SNX16: variants seen among roughly 807,000 people sequenced by gnomAD.
The protein encoded by SNX16 is sorting nexin-16.
A neutral mutation model predicts 36.7 loss-of-function variants in SNX16; 35 were observed. That is an observed-to-expected ratio of 0.95 (90% CI 0.73 to 1.27). The LOEUF (loss-of-function observed/expected upper bound fraction) is 1.27, where lower values mean the gene tolerates loss of function less well. Among genes scored for constraint, SNX16 ranks in the 50% most tolerant of loss-of-function variants. SNX16 has a pLI of 0.00. For synonymous variants in SNX16, 134 were observed against 132.0 expected (o/e 1.02, Z -0.10); for missense variants, 367 against 393.6 (o/e 0.93, Z 0.57).
At chr8:81,815,250 C>T in intron 5 of SNX16, 75 bp downstream of exon 5, 1 of 1,129,014 alleles carries the variant, frequency 8.9e-7, no homozygotes, top group Non-Finnish European at 1.3e-6. Flanking sequence ...TTTGCTATTC[C>T]ATCCAAGAAA....
In SNX16 at chr8:81,828,897, TACA is replaced by T. The variant is rs573615961; in HGVS notation, c.462+530_462+532del. Among the ~76,000 whole-genome samples, 9 of 152,268 alleles carry T rather than the reference TACA, an allele frequency of 5.9e-5. No individual in the cohort carries two copies. In the South Asian group the frequency reaches 1.9e-3, roughly 32 times the overall value. On this transcript the variant is annotated intron_variant, in intron 3 of 7. Transcript: ENST00000345957. ...AGCCAGGAAACAGAAAATTTGGCCC[TACA>T]ACTTCAAGAAACTAAATTCTGCCAA...
At chr8:81,801,684 A>C in intron 7 of SNX16, 91 bp from the exon 8 acceptor site, 1 of 672,410 alleles carries the variant, frequency 1.5e-6, no homozygotes, top group Non-Finnish European at 2.3e-6. Flanking sequence ...AAAATCTTCT[A>C]CCTTATAGAA....
At chr8:81,834,804 C>T (rs1182826101) in intron 2 of SNX16, among the ~76,000 whole-genome samples, 1 of 152,218 alleles carries the variant, frequency 6.6e-6, no homozygotes, top group Non-Finnish European at 1.5e-5. Flanking sequence ...AGCCCTCCTC[C>T]TTCCTGGCTG....
chr8:81,815,698 A>G (rs932791668), intron 4 of SNX16: 4 of 227,702 alleles, frequency 1.8e-5, no homozygotes, highest in Non-Finnish European at 3.6e-5. Flanking sequence ...TTTCAAAGAA[A>G]TATTAGTCTG....
intron 6 of SNX16, 130 bp downstream of exon 6, chr8:81,802,962 G>A (rs1254929238): frequency 5.2e-6 from 4 of 771,822 alleles, no homozygotes; most frequent in Non-Finnish European, 7.5e-6. Context: ...TTTTCCCAAT[G>A]AAGTATGCCA....
chr8:81,822,953 T>C (rs1218441170), intron 4 of SNX16, among the ~76,000 whole-genome samples: 17 of 69,750 alleles, frequency 2.4e-4, no homozygotes, highest in African/African-American at 9.7e-4. Flanking sequence ...TATACATATA[T>C]ATATATATAT....
chr8:81,803,493 G>A (rs1809799278), intron 5 of SNX16, among the ~76,000 whole-genome samples: 1 of 151,894 alleles, frequency 6.6e-6, no homozygotes, highest in East Asian at 1.9e-4. Flanking sequence ...TGCCTGAAGT[G>A]AGTATGTGAT....
chr8:81,815,286 T>G, intron 5 of SNX16, 39 bp downstream of exon 5: 1 of 1,483,598 alleles, frequency 6.7e-7, no homozygotes, highest in African/African-American at 1.4e-5. Context: ...ACTGCATTAA[T>G]TGTTCCTCTT....
Position 81,804,412 on chromosome 8 carries a change from G to C in SNX16, c.682-1184C>G, listed in dbSNP as rs138046818. ...TGAAATAATAATGATGGCCAACTTT[G>C]AGGAGGGCTGTAAACAATCGGTTTC... is the stretch of plus-strand genomic sequence containing the variant. On this transcript the variant is annotated intron_variant, in intron 5 of 7. Transcript: ENST00000345957. 4.6e-5 allele frequency among the ~76,000 whole-genome samples: 7 copies of C among 152,094 alleles called. No individual in the cohort carries two copies. In the South Asian group the frequency reaches 6.2e-4, roughly 13 times the overall value.
chr8:81,837,212 G>A (rs1811528814), intron 2 of SNX16, among the ~76,000 whole-genome samples: 1 of 152,080 alleles, frequency 6.6e-6, no homozygotes, highest in South Asian at 2.1e-4. Flanking sequence ...CATTCAAATT[G>A]CTGTACCACT....
intron 2 of SNX16, among the ~76,000 whole-genome samples, chr8:81,834,545 T>G (rs1811410298): frequency 6.6e-6 from 1 of 152,090 alleles, no homozygotes; most frequent in African/African-American, 2.4e-5. Flanking sequence ...AAAAGCAAGC[T>G]AGTTACTTAC....
Position 81,840,062 on chromosome 8 carries a change from T to A in SNX16, c.-76A>T, listed in dbSNP as rs1586029366. 1 of 1,464,108 alleles carries A rather than the reference T, an allele frequency of 6.8e-7. No homozygotes were observed. The highest frequency in any genetic ancestry group is 2.3e-5 in the East Asian group (1 of 43,802). The allele number at this position is 1,464,108 out of a possible 1,614,324, so 90.7% of individuals were successfully genotyped here. Reference sequence around the variant, plus strand: ...AACAACTAATATGCAATCCATTATTTTCTTCTTAGGAATTCACTATCTAAA... The same window carrying A: ...AACAACTAATATGCAATCCATTATTATCTTCTTAGGAATTCACTATCTAAA... On this transcript the variant is annotated 5_prime_UTR_variant, in exon 2 of 8. Transcript: ENST00000345957.
chr8:81,826,254 T>C (rs909571757), intron 3 of SNX16, among the ~76,000 whole-genome samples: 20 of 152,232 alleles, frequency 1.3e-4, no homozygotes, highest in Admixed American at 1.2e-3. Context: ...GACAGACATG[T>C]GGAAGAATAT....
At chr8:81,828,717 C>A (rs1041943558) in intron 3 of SNX16, among the ~76,000 whole-genome samples, 1 of 152,158 alleles carries the variant, frequency 6.6e-6, no homozygotes, top group Non-Finnish European at 1.5e-5. Context: ...TCCCTTTAGA[C>A]TGTTTTCTCT....
At chr8:81,841,922 C>T (rs1811807778) in intron 1 of SNX16, 200 bp downstream of exon 1, 1 of 152,222 alleles carries the variant, frequency 6.6e-6, no homozygotes, top group Admixed American at 6.5e-5. Flanking sequence ...CTCCCGCCTC[C>T]GCTGACCGGT....
At position 81,802,377 on chromosome 8, in the gene SNX16, T is replaced by C. The variant is rs201540376; in HGVS notation, c.938+3A>G. ...AAGCTATCATAAATGAAATATTATATACCTAGATTCTTCATCCAGGACATC... is the reference window on the plus strand; with the variant it reads ...AAGCTATCATAAATGAAATATTATACACCTAGATTCTTCATCCAGGACATC... On this transcript the variant is annotated splice_donor_region_variant and intron_variant, in intron 7 of 7. Transcript: ENST00000345957. 4 of 1,596,426 alleles carry C rather than the reference T, an allele frequency of 2.5e-6. No homozygotes were observed. The African/African-American group carries it at 5.4e-5, about 22-fold the overall frequency.
At chr8:81,819,569 G>T (rs76898424) in intron 4 of SNX16, among the ~76,000 whole-genome samples, 5,138 of 151,998 alleles carry the variant, frequency 0.034, 158 homozygotes, top group Non-Finnish European at 0.053. Flanking sequence ...CTTTAAAAGA[G>T]ATCTAACTAT....
chr8:81,840,758 T>C (rs1398921223), intron 1 of SNX16, among the ~76,000 whole-genome samples: 1 of 152,250 alleles, frequency 6.6e-6, no homozygotes. Context: ...TCATCACTAA[T>C]TCTGCTCTAC....
chr8:81,837,353 A>C (rs916218890), intron 2 of SNX16, among the ~76,000 whole-genome samples: 1 of 152,198 alleles, frequency 6.6e-6, no homozygotes, highest in Non-Finnish European at 1.5e-5. Context: ...GCTTTACATA[A>C]CACCACCTTG....
Sources: allele counts gnomAD v4.1 joint callset (sites outside exome capture counted in the v4.1 genomes callset), GRCh38; gene constraint gnomAD v4.1.1; transcripts MANE v1.5; gene names NCBI Gene and HGNC (gene_info 2026-07-23, HGNC 2026-07-21).